The following LRRC4C variants were observed in gnomAD, a reference collection of about 807,000 sequenced individuals.
LRRC4C encodes the protein leucine-rich repeat-containing protein 4C.
Under a neutral mutation model 33.6 loss-of-function variants are expected in LRRC4C, and 5 were observed. The observed-to-expected ratio is 0.15, with a 90% CI of 0.08 to 0.31. The LOEUF (loss-of-function observed/expected upper bound fraction) is 0.31, where lower values mean the gene tolerates loss of function less well. Among genes scored for constraint, LRRC4C ranks in the 10% least tolerant of loss-of-function variants. The pLI is 1.00. For missense variants in LRRC4C, 560 were observed against 796.7 expected (o/e 0.70, Z 3.58); for synonymous variants, 329 against 302.0 (o/e 1.09, Z -0.93).
At chr11:41,378,880 C>A in intron 1 of LRRC4C, among the ~76,000 whole-genome samples, 1 of 151,132 alleles carries the variant, frequency 6.6e-6, no homozygotes, top group Non-Finnish European at 1.5e-5. Context: ...TATCTCTAAT[C>A]AAGACTTAGG....
chr11:41,178,901 C>A (rs193259492), intron 1 of LRRC4C, among the ~76,000 whole-genome samples: 1 of 152,058 alleles, frequency 6.6e-6, no homozygotes, highest in Non-Finnish European at 1.5e-5. Context: ...CAGGGTTTCA[C>A]CATCTTGGCC....
chr11:41,101,804 A>G (rs1462044781), intron 1 of LRRC4C, among the ~76,000 whole-genome samples: 2 of 151,966 alleles, frequency 1.3e-5, no homozygotes, highest in African/African-American at 4.8e-5. Flanking sequence ...CATCACAGCC[A>G]TAAAAAAAGA....
chr11:41,101,259 G>T (rs1023032262), intron 1 of LRRC4C, among the ~76,000 whole-genome samples: 3 of 151,998 alleles, frequency 2.0e-5, no homozygotes, highest in African/African-American at 7.3e-5. Context: ...ATCTGACAAA[G>T]GTCTAATATG....
intron 2 of LRRC4C, among the ~76,000 whole-genome samples, chr11:40,921,577 A>G (rs1222535582): frequency 6.6e-6 from 1 of 152,178 alleles, no homozygotes; most frequent in African/African-American, 2.4e-5. Context: ...CTTCTGTCAG[A>G]CAGGATTATA....
intron 1 of LRRC4C, among the ~76,000 whole-genome samples, chr11:41,154,292 A>G (rs1944129387): frequency 6.6e-6 from 1 of 152,094 alleles, no homozygotes; most frequent in African/African-American, 2.4e-5. Context: ...TTCTGTAAAG[A>G]TTTCTTATCC....
At chr11:40,142,366 A>G (rs1311389396) in intron 5 of LRRC4C, among the ~76,000 whole-genome samples, 1 of 151,746 alleles carries the variant, frequency 6.6e-6, no homozygotes, top group Non-Finnish European at 1.5e-5. Flanking sequence ...ACTACCCTTC[A>G]GTAGGATATA....
chr11:40,622,196 C>T (rs946234954), intron 3 of LRRC4C, among the ~76,000 whole-genome samples: 3 of 151,900 alleles, frequency 2.0e-5, no homozygotes. Context: ...TACATGCATA[C>T]TTTGGATTGT....
At chr11:40,638,330 T>C (rs1941891860) in intron 3 of LRRC4C, among the ~76,000 whole-genome samples, 1 of 152,166 alleles carries the variant, frequency 6.6e-6, no homozygotes, top group Non-Finnish European at 1.5e-5. Context: ...CAATAAACAT[T>C]TGTGGAATTA....
intron 1 of LRRC4C, among the ~76,000 whole-genome samples, chr11:41,038,973 T>C (rs1485256002): frequency 2.0e-5 from 3 of 152,230 alleles, no homozygotes; most frequent in Admixed American, 2.0e-4. Context: ...TTGTTGCAAT[T>C]GCTTTTGGGG....
At chr11:41,358,860 A>G (rs1190685556) in intron 1 of LRRC4C, among the ~76,000 whole-genome samples, 2 of 152,180 alleles carry the variant, frequency 1.3e-5, no homozygotes, top group African/African-American at 4.8e-5. Flanking sequence ...TCCAACCATC[A>G]TGCTCCTTGC....
intron 3 of LRRC4C, among the ~76,000 whole-genome samples, chr11:40,434,417 A>C (rs1246004993): frequency 1.3e-5 from 2 of 152,190 alleles, no homozygotes; most frequent in African/African-American, 2.4e-5. Flanking sequence ...AATGAGGCAA[A>C]AATAGCCAAA....
chr11:40,593,850 T>C (rs1179886389), intron 3 of LRRC4C, among the ~76,000 whole-genome samples: 1 of 152,196 alleles, frequency 6.6e-6, no homozygotes, highest in Non-Finnish European at 1.5e-5. Context: ...TCTTGCAATA[T>C]CCTTTAGATT....
chr11:40,716,507 C>A (rs563669479), intron 2 of LRRC4C, among the ~76,000 whole-genome samples: 1 of 152,062 alleles, frequency 6.6e-6, no homozygotes, highest in African/African-American at 2.4e-5. Flanking sequence ...GGCCTCTGGG[C>A]AGGAGGTCAT....
chr11:40,246,966 T>C (rs989047978), intron 4 of LRRC4C, among the ~76,000 whole-genome samples: 2 of 152,186 alleles, frequency 1.3e-5, no homozygotes, highest in Non-Finnish European at 2.9e-5. Context: ...AACTGCTCAG[T>C]GGGAGATAAA....
chr11:40,560,679 A>T (rs1957514258), intron 3 of LRRC4C, among the ~76,000 whole-genome samples: 1 of 152,210 alleles, frequency 6.6e-6, no homozygotes, highest in African/African-American at 2.4e-5. Context: ...TAGTTTTACC[A>T]TTTATAATGT....
At chr11:40,980,112 C>T (rs1245146133) in intron 1 of LRRC4C, among the ~76,000 whole-genome samples, 1 of 152,120 alleles carries the variant, frequency 6.6e-6, no homozygotes, top group African/African-American at 2.4e-5. Flanking sequence ...ATTCAAGCTA[C>T]AGACAATAAT....
intron 1 of LRRC4C, among the ~76,000 whole-genome samples, chr11:41,212,815 C>T (rs368614025): frequency 5.9e-5 from 9 of 152,158 alleles, no homozygotes; most frequent in East Asian, 5.8e-4. Context: ...GCATAGTATT[C>T]CATGGTGTAT....
chr11:40,661,842 T>C (rs1385378934), intron 2 of LRRC4C, among the ~76,000 whole-genome samples: 1 of 152,246 alleles, frequency 6.6e-6, no homozygotes. Context: ...GTGTCAACTC[T>C]GCTACCTTCT....
intron 2 of LRRC4C, among the ~76,000 whole-genome samples, chr11:40,669,025 G>A (rs1035357527): frequency 1.3e-5 from 2 of 152,258 alleles, no homozygotes; most frequent in Admixed American, 6.5e-5. Flanking sequence ...TGTTTTTAAA[G>A]GCAAATATAA....
Sources: gnomAD v4.1 joint callset for allele counts (sites outside exome capture counted in the v4.1 genomes callset) on GRCh38, gnomAD v4.1.1 for gene constraint, MANE v1.5 for transcripts, NCBI Gene and HGNC (gene_info 2026-07-23, HGNC 2026-07-21) for gene names.